Variants in ATP1A1 observed in about 807,000 individuals in gnomAD.
The protein encoded by ATP1A1 is ATPase Na+/K+ transporting subunit alpha 1, also known as sodium/potassium-transporting ATPase subunit alpha-1.
A neutral mutation model predicts 114.8 loss-of-function variants in ATP1A1; 14 were observed. The observed-to-expected ratio is 0.12, with a 90% CI of 0.08 to 0.19. ATP1A1 has a LOEUF of 0.19. ATP1A1 is among the 10% of genes least tolerant of loss of function. ATP1A1 has a pLI of 1.00. For missense variants in ATP1A1, 524 were observed against 1,290.7 expected (o/e 0.41, Z 9.10); for synonymous variants, 471 against 466.3 (o/e 1.01, Z -0.13).
chr1:116,401,313 T>C lies in ATP1A1; in HGVS notation c.2849+53T>C. 1 of 1,608,776 alleles carries C rather than the reference T, an allele frequency of 6.2e-7. No homozygotes were observed. The highest frequency in any genetic ancestry group is 8.5e-7 in the Non-Finnish European group (1 of 1,175,572). On this transcript the variant is annotated intron_variant, in intron 20 of 22. Transcript: ENST00000295598. The surrounding 1 kb of genome is among the most constrained non-coding windows in gnomAD (Gnocchi z 4.7). Reference sequence around the variant, plus strand: ...TTGGCTCAAAGAAGGGGACTGGTGATTTGTAAACCCTTTGCCAAAAACTAA... The same window carrying C: ...TTGGCTCAAAGAAGGGGACTGGTGACTTGTAAACCCTTTGCCAAAAACTAA...
At chr1:116,390,059 A>G in intron 8 of ATP1A1, 154 bp from the exon 9 acceptor site, 1 of 801,432 alleles carries the variant, frequency 1.2e-6, no homozygotes, top group Non-Finnish European at 2.0e-6. Flanking sequence ...GGGAAGCCTC[A>G]TGTATGGGTT....
rs753933371 is a variant in ATP1A1 at position 116,398,888 on chromosome 1, C to T, written c.2294-42C>T. ...TTGGATATGTTCAGTTTCCAGTGTG[C>T]TTGTCTCATAAGCTAACAGTAAAAA... is the stretch of plus-strand genomic sequence containing the variant. On this transcript the variant is annotated intron_variant, in intron 16 of 22. Transcript: ENST00000295598. The surrounding 1 kb of genome is among the most constrained non-coding windows in gnomAD (Gnocchi z 6.1). 1.4e-5 allele frequency: 23 copies of T among 1,612,622 alleles called. No homozygotes were observed. The highest frequency in any genetic ancestry group is 1.6e-4 in the Middle Eastern group (1 of 6,082).
At chr1:116,373,721 A>C in intron 1 of ATP1A1, 198 bp downstream of exon 1, 8 of 656,958 alleles carry the variant, frequency 1.2e-5, no homozygotes, top group East Asian at 2.0e-4. Context: ...GGGCGGGGGA[A>C]GGGAGCGCCG....
At position 116,384,894 on chromosome 1, in the gene ATP1A1, A is replaced by G. The variant is rs1259112041; in HGVS notation, c.183+52A>G. ...ACAAAATCCTAGTTTTCCGTATTAT[A>G]TTTTCCCCTGTATTACATACAGGTC... On this transcript the variant is annotated intron_variant, in intron 3 of 22. Transcript: ENST00000295598. The surrounding 1 kb of genome is among the most constrained non-coding windows in gnomAD (Gnocchi z 5.1). The G allele has an allele frequency of 6.3e-7, 1 of 1,577,798 alleles. No individual in the cohort carries two copies. The highest frequency in any genetic ancestry group is 8.7e-7 in the Non-Finnish European group (1 of 1,147,312).
intron 1 of ATP1A1, among the ~76,000 whole-genome samples, chr1:116,376,267 G>T (rs1265689426): frequency 6.6e-6 from 1 of 152,188 alleles, no homozygotes; most frequent in Non-Finnish European, 1.5e-5. Flanking sequence ...GGGAAAAAAG[G>T]TTCCAGTGAA....
Position 116,393,062 on chromosome 1 carries a change from G to A in ATP1A1, c.1467+74G>A. 6.4e-7 allele frequency: 1 copy of A among 1,570,496 alleles called. No individual in the cohort carries two copies. Among genetic ancestry groups the A allele is most frequent in the South Asian group, 1.2e-5 (1 of 84,498 alleles). Reference sequence around the variant, plus strand: ...AAGAGGGGAGGTACATGAGCAGGAAGAGGAAATATTCTCCCTTTGGAGTTT... The same window carrying A: ...AAGAGGGGAGGTACATGAGCAGGAAAAGGAAATATTCTCCCTTTGGAGTTT... On this transcript the variant is annotated intron_variant, in intron 11 of 22. Transcript: ENST00000295598. The surrounding 1 kb of genome is among the most constrained non-coding windows in gnomAD (Gnocchi z 5.0).
intron 1 of ATP1A1, among the ~76,000 whole-genome samples, chr1:116,383,039 G>A (rs558019202): frequency 6.6e-6 from 1 of 152,158 alleles, no homozygotes; most frequent in South Asian, 2.1e-4. Flanking sequence ...ATAAGCTCAA[G>A]GATTTTTCAA....
Position 116,397,813 on chromosome 1 carries a change from A to ATC in ATP1A1, c.1974-74_1974-73dup. The ATC allele has an allele frequency of 6.6e-7, 1 of 1,513,170 alleles. No individual in the cohort carries two copies. Among genetic ancestry groups the ATC allele is most frequent in the Non-Finnish European group, 8.9e-7 (1 of 1,122,502 alleles). The allele number at this position is 1,513,170 out of a possible 1,614,324, so 93.7% of individuals were successfully genotyped here. A position where few individuals can be genotyped will look rare whatever the true frequency, so the allele number is the denominator to read the frequency against. On this transcript the variant is annotated intron_variant, in intron 14 of 22. Transcript: ENST00000295598. The surrounding 1 kb of genome is among the most constrained non-coding windows in gnomAD (Gnocchi z 4.2). ...TTTACAAAGTGATCTGCATAAGAAT[A>ATC]TCCCCTCTTGAGGTGATGGACACAT...
In ATP1A1 at chr1:116,404,608, T is replaced by C. The variant is rs1173212967; in HGVS notation, c.*164T>C. On this transcript the variant is annotated 3_prime_UTR_variant, in exon 23 of 23. Coordinates refer to ENST00000295598, the MANE Select transcript of ATP1A1 (RefSeq NM_000701.8). This position sits in a 1 kb window ranked among gnomAD's most constrained non-coding sequence, Gnocchi z 4.8. The stretch of plus-strand genomic sequence containing the variant: ...TCCTGGAATGAAGCATGTAGCTCTA[T>C]GGGGGGAGGGGGGAGGGCTGCCTGA... 2 of 977,066 alleles carry C rather than the reference T, an allele frequency of 2.0e-6. No individual in the cohort carries two copies. The highest frequency in any genetic ancestry group is 1.1e-4 in the East Asian group (2 of 17,764). The allele number at this position is 977,066 out of a possible 1,614,324, so 60.5% of individuals were successfully genotyped here.
intron 13 of ATP1A1, among the ~76,000 whole-genome samples, chr1:116,396,111 C>T (rs1319078727): frequency 2.0e-5 from 3 of 151,946 alleles, no homozygotes; most frequent in African/African-American, 4.8e-5. Context: ...CTCACCATTC[C>T]GACTGCTTCT....
At position 116,381,448 on chromosome 1, in the gene ATP1A1, G is replaced by C. The variant is rs1651737444; in HGVS notation, c.13-2566G>C. 6.6e-6 allele frequency among the ~76,000 whole-genome samples: 1 copy of C among 152,188 alleles called. No homozygotes were observed. The highest frequency in any genetic ancestry group is 2.4e-5 in the African/African-American group (1 of 41,454). ...GGAGAAGAACTAAATTGTATAAGCT[G>C]CCTGGTTCTTCTAGACACACATTGC... On this transcript the variant is annotated intron_variant, in intron 1 of 22. Transcript: ENST00000295598. This position sits in a 1 kb window ranked among gnomAD's most constrained non-coding sequence, Gnocchi z 5.1.
Position 116,404,453 on chromosome 1 carries a change from CCTG to C in ATP1A1, c.*11_*13del, listed in dbSNP as rs1653805047. On this transcript the variant is annotated 3_prime_UTR_variant, in exon 23 of 23. Coordinates refer to ENST00000295598, the MANE Select transcript of ATP1A1 (RefSeq NM_000701.8). The surrounding 1 kb of genome is among the most constrained non-coding windows in gnomAD (Gnocchi z 4.8). ...AGGAAACCTACTATTAGCCCCCCGTCCTGCACGCCGTGGAGCATCAGGCCACAC... is the reference window on the plus strand; with the variant it reads ...AGGAAACCTACTATTAGCCCCCCGTCCACGCCGTGGAGCATCAGGCCACAC... 6.2e-7 allele frequency: 1 copy of C among 1,609,592 alleles called. No homozygotes were observed. The highest frequency in any genetic ancestry group is 2.2e-5 in the East Asian group (1 of 44,676).
chr1:116,376,832 TGCCCAGATGA>T, intron 1 of ATP1A1, among the ~76,000 whole-genome samples: 1 of 152,340 alleles, frequency 6.6e-6, no homozygotes. Context: ...GTTAGATGTT[TGCCCAGATGA>T]GGGCTAACAC....
At chr1:116,390,510 TCATGGCAGC>T in intron 9 of ATP1A1, 99 bp downstream of exon 9, 3 of 1,194,280 alleles carry the variant, frequency 2.5e-6, no homozygotes, top group Non-Finnish European at 3.5e-6. Flanking sequence ...TTTTTTAAGC[TCATGGCAGC>T]TTTTTCTTTC....
Position 116,399,224 on chromosome 1 carries a change from TC to T in ATP1A1, c.2448+143del, listed in dbSNP as rs1653221581. On this transcript the variant is annotated intron_variant, in intron 17 of 22. Coordinates refer to ENST00000295598, the MANE Select transcript of ATP1A1 (RefSeq NM_000701.8). This position sits in a 1 kb window ranked among gnomAD's most constrained non-coding sequence, Gnocchi z 5.0. ...GACCAGTATCCAGTGTGTGTCCCAA[TC>T]CCGGCTTCACAGAATCAGTATTACC... 1 of 1,392,156 alleles carries T rather than the reference TC, an allele frequency of 7.2e-7. No homozygotes were observed. The highest frequency in any genetic ancestry group is 1.4e-5 in the African/African-American group (1 of 69,494). The allele number at this position is 1,392,156 out of a possible 1,614,324, so 86.2% of individuals were successfully genotyped here. A position where few individuals can be genotyped will look rare whatever the true frequency, so the allele number is the denominator to read the frequency against.
intron 1 of ATP1A1, among the ~76,000 whole-genome samples, chr1:116,378,805 G>A (rs986123981): frequency 1.3e-4 from 20 of 152,116 alleles, no homozygotes; most frequent in Non-Finnish European, 2.9e-5. Context: ...CTCTCATAAC[G>A]CATATGCTGA....
chr1:116,379,573 C>A (rs1017985639), intron 1 of ATP1A1, among the ~76,000 whole-genome samples: 1 of 152,164 alleles, frequency 6.6e-6, no homozygotes, highest in East Asian at 1.9e-4. Context: ...TAGATCATTT[C>A]TTGACTGTTA....
rs570205727 is a variant in ATP1A1 at position 116,401,207 on chromosome 1, C to T, written c.2796C>T (p.Ala932=). Residue 932 remains alanine, a synonymous_variant, in exon 20 of 23, where the codon GCC becomes GCT. Transcript: ENST00000295598. The surrounding 1 kb of genome is among the most constrained non-coding windows in gnomAD (Gnocchi z 4.7). The part of the protein sequence containing the change: ...FFVSIVVVQW[A]DLVICKTRRN... ...TCAGTATCGTGGTGGTGCAGTGGGC[C>T]GACTTGGTCATCTGTAAGACCAGGA... is the stretch of plus-strand genomic sequence containing the variant. The T allele has an allele frequency of 1.1e-5, 18 of 1,614,150 alleles. No individual in the cohort carries two copies. In the African/African-American group the frequency reaches 1.9e-4, roughly 17 times the overall value.
Position 116,373,325 on chromosome 1 carries a change from G to C in ATP1A1, c.-187G>C, listed in dbSNP as rs1043783102. 3.9e-5 allele frequency: 19 copies of C among 489,716 alleles called. No individual in the cohort carries two copies. The highest frequency in any genetic ancestry group is 6.1e-5 in the African/African-American group (3 of 49,040). 30.3% of individuals were successfully genotyped at this position (489,716 alleles called of 1,614,324 possible). ...CAACAGCGGTAGCAGCCCGGGCGGC[G>C]GCAGCAACAGCGGCGGCGGCATCGG... On this transcript the variant is annotated 5_prime_UTR_variant, in exon 1 of 23. Coordinates refer to ENST00000295598, the MANE Select transcript of ATP1A1 (RefSeq NM_000701.8).
Sources: gnomAD v4.1 joint callset for allele counts (sites outside exome capture counted in the v4.1 genomes callset) on GRCh38, gnomAD v4.1.1 for gene constraint, Gnocchi (gnomAD v3.1) non-coding constraint, MANE v1.5 for transcripts, NCBI Gene and HGNC (gene_info 2026-07-23, HGNC 2026-07-21) for gene names.